The following SYNPR variants were observed in gnomAD, a reference collection of about 807,000 sequenced individuals.
The protein encoded by SYNPR is synaptoporin.
SYNPR carries 23 observed loss-of-function variants against 32.9 expected under a neutral mutation model. That is an observed-to-expected ratio of 0.70 (90% CI 0.50 to 0.99). The LOEUF is 0.99. Ranked by LOEUF, SYNPR falls within the 50% of genes least tolerant of loss-of-function variation. The probability of loss-of-function intolerance (pLI) is 0.00; values close to 1 mark genes in which losing one functional copy is unlikely to be tolerated. For synonymous variants in SYNPR, 146 were observed against 135.9 expected, an observed-to-expected ratio of 1.07 and a Z score of -0.52; for missense variants, 318 against 349.3, an observed-to-expected ratio of 0.91 and a Z score of 0.71.
At chr3:63,487,539 A>G (rs796964609) in intron 3 of SYNPR, among the ~76,000 whole-genome samples, 6 of 152,298 alleles carry the variant, frequency 3.9e-5, no homozygotes, top group African/African-American at 1.4e-4. Context: ...TAGCAAAATT[A>G]CCCTTGAGAA....
chr3:63,607,105 T>C (rs1700134967), intron 4 of SYNPR, among the ~76,000 whole-genome samples: 1 of 152,182 alleles, frequency 6.6e-6, no homozygotes, highest in Non-Finnish European at 1.5e-5. Flanking sequence ...TTTCTACAAG[T>C]CTATTTCTAA....
chr3:63,453,334 T>G (rs531397466), intron 2 of SYNPR, among the ~76,000 whole-genome samples: 23 of 152,218 alleles, frequency 1.5e-4, no homozygotes, highest in Non-Finnish European at 2.9e-4. Flanking sequence ...CCACAGAAAC[T>G]CAGAGACTCT....
intron 2 of SYNPR, among the ~76,000 whole-genome samples, chr3:63,392,762 T>G (rs2088156212): frequency 2.0e-5 from 3 of 152,102 alleles, no homozygotes; most frequent in Admixed American, 2.0e-4. Flanking sequence ...GTAAGACACA[T>G]TTTCTTTTTT....
intron 5 of SYNPR, among the ~76,000 whole-genome samples, chr3:63,609,752 C>CA (rs1055119071): frequency 5.3e-5 from 8 of 151,778 alleles, no homozygotes; most frequent in South Asian, 2.1e-4. Flanking sequence ...ACTAAAAATA[C>CA]AAAAAAAACT....
rs566791319 is a variant in SYNPR at position 63,594,937 on chromosome 3, A to G, written c.409-14188A>G. Among the ~76,000 whole-genome samples the G allele has an allele frequency of 2.4e-4, 37 of 152,320 alleles. 1 individual carries two copies. The South Asian group carries it at 6.6e-3, about 27-fold the overall frequency. ...ACCACTTCTGTGGGCCTCTTCCTGC[A>G]GAGAGCTCTGCCTGAGCTCAGAGAA... On this transcript the variant is annotated intron_variant, in intron 4 of 5. Coordinates refer to ENST00000478300, the MANE Select transcript of SYNPR (RefSeq NM_001130003.2).
intron 1 of SYNPR, among the ~76,000 whole-genome samples, chr3:63,232,206 T>C (rs1471554771): frequency 7.2e-6 from 1 of 139,120 alleles, no homozygotes; most frequent in Non-Finnish European, 1.5e-5. Flanking sequence ...TTTTTTTTTT[T>C]TTTTTTTTTT....
At chr3:63,343,347 G>A (rs2087392747) in intron 2 of SYNPR, among the ~76,000 whole-genome samples, 1 of 152,172 alleles carries the variant, frequency 6.6e-6, no homozygotes, top group South Asian at 2.1e-4. Flanking sequence ...ATGGATTCTA[G>A]GAGAGCCGAG....
intron 4 of SYNPR, among the ~76,000 whole-genome samples, chr3:63,563,889 A>C (rs1702736661): frequency 6.6e-6 from 1 of 151,896 alleles, no homozygotes; most frequent in African/African-American, 2.4e-5. Context: ...AAGTATAATA[A>C]AAAAATAAAA....
intron 3 of SYNPR, among the ~76,000 whole-genome samples, chr3:63,538,782 G>C (rs1198643340): frequency 6.6e-6 from 1 of 152,012 alleles, no homozygotes; most frequent in Non-Finnish European, 1.5e-5. Context: ...AATAGATGGT[G>C]GTGGTTTTGA....
Position 63,556,584 on chromosome 3 carries a change from A to G in SYNPR, c.251A>G (p.Lys84Arg), listed in dbSNP as rs1702598979. The change falls in exon 4 of 6, where the codon AAG (lysine) becomes AGG (arginine). Residue 84 changes from lysine (K) to arginine (R), a missense_variant. Transcript: ENST00000478300. ...TTTGAGGTGCCCACCTGCGAGGGAA[A>G]GGAACGGCAGAAGCTGGCATTGATT... is the stretch of plus-strand genomic sequence containing the variant. The part of the protein sequence containing the change: ...VTFEVPTCEG[K>R]ERQKLALIGD... 1 of 1,613,608 alleles carries G rather than the reference A, an allele frequency of 6.2e-7. No individual in the cohort carries two copies. Among genetic ancestry groups the G allele is most frequent in the Non-Finnish European group, 8.5e-7 (1 of 1,179,700 alleles).
At chr3:63,494,897 C>G (rs879807472) in intron 3 of SYNPR, among the ~76,000 whole-genome samples, 2 of 152,138 alleles carry the variant, frequency 1.3e-5, no homozygotes, top group South Asian at 2.1e-4. Context: ...ACTTCCTCCT[C>G]ATTCCTACAT....
At chr3:63,420,104 A>G (rs1405091262) in intron 2 of SYNPR, among the ~76,000 whole-genome samples, 1 of 152,212 alleles carries the variant, frequency 6.6e-6, no homozygotes, top group Non-Finnish European at 1.5e-5. Flanking sequence ...TAACATGATC[A>G]TGGATGAGAA....
chr3:63,407,696 G>C (rs912253718), intron 2 of SYNPR, among the ~76,000 whole-genome samples: 1 of 152,076 alleles, frequency 6.6e-6, no homozygotes, highest in Non-Finnish European at 1.5e-5. Context: ...TTATTCCCTT[G>C]AGAGGTGGAT....
chr3:63,580,999 G>T (rs1478591571), intron 4 of SYNPR, among the ~76,000 whole-genome samples: 6 of 152,126 alleles, frequency 3.9e-5, no homozygotes, highest in Non-Finnish European at 7.4e-5. Flanking sequence ...CTTGGCTAAA[G>T]CCATACAATG....
intron 2 of SYNPR, among the ~76,000 whole-genome samples, chr3:63,334,430 A>G (rs183345033): frequency 6.6e-6 from 1 of 152,206 alleles, no homozygotes; most frequent in African/African-American, 2.4e-5. Context: ...TCAGGTACAC[A>G]TAATAATAGC....
At chr3:63,476,376 AGGAGGGAGAGAAGAAGGAAGGAAGGGAG>A (rs1356407982) in intron 2 of SYNPR, among the ~76,000 whole-genome samples, 6 of 124,238 alleles carry the variant, frequency 4.8e-5, no homozygotes, top group East Asian at 2.8e-4. Context: ...AAGGAAGGAA[AGGAGGGAGAGAAGAAGGAAGGAAGGGAG>A]GGAGGGAGAG....
At chr3:63,340,323 C>T (rs2087348553) in intron 2 of SYNPR, among the ~76,000 whole-genome samples, 1 of 151,238 alleles carries the variant, frequency 6.6e-6, no homozygotes, top group Non-Finnish European at 1.5e-5. Flanking sequence ...CAATATTTTG[C>T]TATAAAATGT....
intron 1 of SYNPR, among the ~76,000 whole-genome samples, chr3:63,229,443 A>G (rs1184271452): frequency 2.0e-5 from 3 of 152,124 alleles, no homozygotes; most frequent in Non-Finnish European, 4.4e-5. Context: ...TCAAATGAGA[A>G]TATTTTACCC....
chr3:63,232,362 C>T (rs367844407), intron 1 of SYNPR, among the ~76,000 whole-genome samples: 7 of 151,660 alleles, frequency 4.6e-5, no homozygotes, highest in South Asian at 4.2e-4. Flanking sequence ...CCACCAGGCC[C>T]GGTGAATTTT....
Sources: gnomAD v4.1 joint callset for allele counts (sites outside exome capture counted in the v4.1 genomes callset) on GRCh38, gnomAD v4.1.1 for gene constraint, MANE v1.5 for transcripts, NCBI Gene and HGNC (gene_info 2026-07-23, HGNC 2026-07-21) for gene names.